The following NIPAL2 variants were observed in gnomAD, a reference collection of about 807,000 sequenced individuals.
NIPAL2 encodes NIPA-like protein 2.
In NIPAL2, 43 loss-of-function variants were observed where a neutral mutation model predicts 48.9. The observed-to-expected ratio is 0.88, with a 90% CI of 0.69 to 1.13. The LOEUF is 1.13. Ranked by LOEUF, NIPAL2 falls within the 50% of genes most tolerant of loss-of-function variation. The pLI is 0.00. For missense variants in NIPAL2, 446 were observed against 461.4 expected, an observed-to-expected ratio of 0.97 and a Z score of 0.31; for synonymous variants, 167 against 174.6, an observed-to-expected ratio of 0.96 and a Z score of 0.34.
At chr8:98,281,778 G>C (rs1159248011) in intron 1 of NIPAL2, among the ~76,000 whole-genome samples, 2 of 152,238 alleles carry the variant, frequency 1.3e-5, no homozygotes, top group South Asian at 4.1e-4. Flanking sequence ...GTACAAATCT[G>C]TCTAGGGTAG....
At position 98,227,932 on chromosome 8, in the gene NIPAL2, C is replaced by T. The variant is rs150128145; in HGVS notation, c.437-5332G>A. Among the ~76,000 whole-genome samples the T allele has an allele frequency of 7.4e-4, 112 of 152,332 alleles. No homozygotes were observed. In the East Asian group the frequency reaches 0.02, roughly 27 times the overall value. On this transcript the variant is annotated intron_variant, in intron 4 of 10. Coordinates refer to ENST00000430223, the MANE Select transcript of NIPAL2 (RefSeq NM_001321635.2). Reference sequence around the variant, plus strand: ...GGCTTGCCAAAACTCAAGTTCACACCTCTGGGGTGGTTGATTCCTCTCTGG... The same window carrying T: ...GGCTTGCCAAAACTCAAGTTCACACTTCTGGGGTGGTTGATTCCTCTCTGG...
intron 3 of NIPAL2, among the ~76,000 whole-genome samples, chr8:98,236,851 CAAA>C (rs34210829): frequency 6.0e-5 from 4 of 66,896 alleles, no homozygotes; most frequent in East Asian, 5.5e-4. Flanking sequence ...GATCCTGTCT[CAAA>C]AAAAAAAAAA....
intron 8 of NIPAL2, 83 bp downstream of exon 8, chr8:98,203,025 A>C: frequency 9.1e-7 from 1 of 1,099,318 alleles, no homozygotes; most frequent in East Asian, 2.4e-5. Flanking sequence ...TTACAACCTA[A>C]AGATTTCTGG....
At chr8:98,236,250 A>C (rs1387623049) in intron 3 of NIPAL2, 36 bp from the exon 4 acceptor site, 8 of 1,445,890 alleles carry the variant, frequency 5.5e-6, no homozygotes, top group Non-Finnish European at 7.7e-6. Flanking sequence ...TAGTTCCAAT[A>C]TAAAAGTGTC....
chr8:98,201,842 A>C (rs951086075), intron 8 of NIPAL2, among the ~76,000 whole-genome samples: 2 of 152,210 alleles, frequency 1.3e-5, no homozygotes, highest in Admixed American at 1.3e-4. Flanking sequence ...AAAATGCATT[A>C]ATTACTTTAA....
At position 98,262,926 on chromosome 8, in the gene NIPAL2, A is replaced by G. The variant is rs537523983; in HGVS notation, c.136-8839T>C. Among the ~76,000 whole-genome samples the G allele has an allele frequency of 4.2e-4, 64 of 151,176 alleles. 2 individuals are homozygous for G. The highest frequency in any genetic ancestry group is 1.4e-3 in the African/African-American group (59 of 41,272). ...GAAAGAACAGAAATTATAACAAACT[A>G]TCTCTCAGACCACAGTGCAATCAAA... On this transcript the variant is annotated intron_variant, in intron 1 of 10. Coordinates refer to ENST00000430223, the MANE Select transcript of NIPAL2 (RefSeq NM_001321635.2).
chr8:98,251,879 T>C (rs1439841126), intron 3 of NIPAL2: 1 of 152,226 alleles, frequency 6.6e-6, no homozygotes, highest in Non-Finnish European at 1.5e-5. Flanking sequence ...TTAGAGAATT[T>C]GTTCTCCTTT....
intron 6 of NIPAL2, among the ~76,000 whole-genome samples, chr8:98,208,986 C>G (rs1811175644): frequency 6.6e-6 from 1 of 152,142 alleles, no homozygotes; most frequent in Non-Finnish European, 1.5e-5. Context: ...GCACACAGTG[C>G]AGAGTGAGCA....
chr8:98,227,590 T>G (rs1254060749), intron 4 of NIPAL2, among the ~76,000 whole-genome samples: 1 of 152,204 alleles, frequency 6.6e-6, no homozygotes, highest in Non-Finnish European at 1.5e-5. Context: ...GGACTCTGCC[T>G]GATGCCCTAT....
intron 4 of NIPAL2, among the ~76,000 whole-genome samples, chr8:98,222,930 T>C (rs941350902): frequency 6.6e-6 from 1 of 152,318 alleles, no homozygotes; most frequent in East Asian, 1.9e-4. Context: ...AAACACCTCC[T>C]AAGCTGACTG....
intron 6 of NIPAL2, among the ~76,000 whole-genome samples, chr8:98,206,596 G>A (rs1423472157): frequency 6.6e-6 from 1 of 151,880 alleles, no homozygotes; most frequent in Non-Finnish European, 1.5e-5. Context: ...ACCATCCCCT[G>A]GCTAGCACAG....
chr8:98,269,788 G>A (rs532166126), intron 1 of NIPAL2, among the ~76,000 whole-genome samples: 86 of 152,150 alleles, frequency 5.7e-4, no homozygotes, highest in Admixed American at 1.0e-3. Flanking sequence ...TGATCCTGTC[G>A]TCTAGACAGT....
rs368079736 is a variant in NIPAL2, at chr8:98,233,262, GA to G, written c.436+2892del. ...AACAGAGCGAGACTCCATCTCAAAA[GA>G]AAAAAAAAAGGTGAGGAATTAGCAA... On this transcript the variant is annotated intron_variant, in intron 4 of 10. Transcript: ENST00000430223. Among the ~76,000 whole-genome samples, 1,231 of 137,408 alleles carry G rather than the reference GA, an allele frequency of 9.0e-3. 16 individuals carry two copies. The highest frequency in any genetic ancestry group is 0.03 in the African/African-American group (1,134 of 37,804). The allele number at this position is 137,408 out of a possible 152,430, so 90.1% of individuals were successfully genotyped here. A position where few individuals can be genotyped will look rare whatever the true frequency, so the allele number is the denominator to read the frequency against.
At chr8:98,243,390 C>T (rs754682147) in intron 3 of NIPAL2, among the ~76,000 whole-genome samples, 1 of 152,140 alleles carries the variant, frequency 6.6e-6, no homozygotes, top group Non-Finnish European at 1.5e-5. Context: ...GTTTCCGGTG[C>T]CTTCCAAACC....
chr8:98,207,268 TTC>T lies in NIPAL2; in HGVS notation c.656-2024_656-2023del, dbSNP rs201774999. Among the ~76,000 whole-genome samples, 199 of 152,318 alleles carry T rather than the reference TTC, an allele frequency of 1.3e-3. 3 individuals are homozygous for T. The East Asian group carries it at 0.029, about 22-fold the overall frequency. On this transcript the variant is annotated intron_variant, in intron 6 of 10. Coordinates refer to ENST00000430223, the MANE Select transcript of NIPAL2 (RefSeq NM_001321635.2). The stretch of plus-strand genomic sequence containing the variant: ...ACACAAGACAAAGACAAAACTAGAA[TTC>T]TCTGTTATTGATAGCTAAACAAACT...
At chr8:98,265,183 A>G (rs1432525523) in intron 1 of NIPAL2, among the ~76,000 whole-genome samples, 3 of 148,866 alleles carry the variant, frequency 2.0e-5, no homozygotes, top group African/African-American at 4.9e-5. Flanking sequence ...AAACCCTAGA[A>G]GAAAACCTAG....
intron 4 of NIPAL2, among the ~76,000 whole-genome samples, chr8:98,229,989 A>G (rs1812360112): frequency 6.6e-6 from 1 of 152,200 alleles, no homozygotes; most frequent in African/African-American, 2.4e-5. Context: ...AATTGTTACC[A>G]TCTACATTTG....
intron 9 of NIPAL2, among the ~76,000 whole-genome samples, chr8:98,195,307 G>A (rs774460485): frequency 1.4e-4 from 22 of 152,134 alleles, no homozygotes; most frequent in Non-Finnish European, 1.5e-4. Context: ...CTAGGCTCAA[G>A]TTTGCATAAC....
At position 98,236,143 on chromosome 8, in the gene NIPAL2, A is replaced by G. The variant is rs1465725603; in HGVS notation, c.436+12T>C. 2.6e-6 allele frequency: 4 copies of G among 1,535,846 alleles called. No homozygotes were observed. Among genetic ancestry groups the G allele is most frequent in the Non-Finnish European group, 3.6e-6 (4 of 1,114,912 alleles). On this transcript the variant is annotated intron_variant, in intron 4 of 10. Transcript: ENST00000430223. ...GCAATGCTACAATTACATGAATTAAATAATTACTTACCGAGTAAGTCTGAG... is the reference window on the plus strand; with the variant it reads ...GCAATGCTACAATTACATGAATTAAGTAATTACTTACCGAGTAAGTCTGAG...
Sources: allele counts gnomAD v4.1 joint callset (sites outside exome capture counted in the v4.1 genomes callset), GRCh38; gene constraint gnomAD v4.1.1; transcripts MANE v1.5; gene names NCBI Gene and HGNC (gene_info 2026-07-23, HGNC 2026-07-21).